The following LHFPL3 variants were observed in gnomAD, a reference collection of about 807,000 sequenced individuals.
LHFPL3 encodes the protein LHFPL tetraspan subfamily member 3 protein.
A neutral mutation model predicts 19.3 loss-of-function variants in LHFPL3; 5 were observed. That is an observed-to-expected ratio of 0.26 (90% confidence interval 0.14 to 0.54). The LOEUF is 0.54. LHFPL3 is among the 20% of genes least tolerant of loss of function. LHFPL3 has a pLI of 0.94. For synonymous variants in LHFPL3, 133 were observed against 126.2 expected (o/e 1.05, Z -0.36); for missense variants, 249 against 307.4 (o/e 0.81, Z 1.42).
chr7:104,803,764 T>C (rs1280615115), intron 2 of LHFPL3, among the ~76,000 whole-genome samples: 2 of 152,212 alleles, frequency 1.3e-5, no homozygotes, highest in Non-Finnish European at 2.9e-5. Context: ...GGGCAAAATA[T>C]ATATTTGCTG....
chr7:104,461,763 A>G (rs1792668372), intron 1 of LHFPL3, among the ~76,000 whole-genome samples: 3 of 152,166 alleles, frequency 2.0e-5, no homozygotes. Context: ...TCAATTTTAA[A>G]ATACTTTTTT....
chr7:104,866,302 C>A (rs1264186180), intron 2 of LHFPL3, among the ~76,000 whole-genome samples: 1 of 152,124 alleles, frequency 6.6e-6, no homozygotes, highest in Non-Finnish European at 1.5e-5. Flanking sequence ...AGAGTCAAGA[C>A]CCATCAGTGT....
At chr7:104,574,839 G>A (rs1161247025) in intron 1 of LHFPL3, among the ~76,000 whole-genome samples, 4 of 151,994 alleles carry the variant, frequency 2.6e-5, no homozygotes, top group Non-Finnish European at 5.9e-5. Context: ...CTGTTCTGAA[G>A]GAAGAAAAGG....
At position 104,636,759 on chromosome 7, in the gene LHFPL3, T is replaced by A. The variant is rs540365976; in HGVS notation, c.446-99916T>A. Among the ~76,000 whole-genome samples, 7 of 152,362 alleles carry A rather than the reference T, an allele frequency of 4.6e-5. No individual in the cohort carries two copies. In the South Asian group the frequency reaches 1.4e-3, roughly 32 times the overall value. On this transcript the variant is annotated intron_variant, in intron 1 of 2. Coordinates refer to ENST00000424859, the MANE Select transcript of LHFPL3 (RefSeq NM_199000.3). ...GCTGCATAGTATTCCATGGTGTATA[T>A]GTAAAACATTTTCTTTAGTCTACCA...
intron 2 of LHFPL3, among the ~76,000 whole-genome samples, chr7:104,838,118 C>T (rs191674936): frequency 6.6e-6 from 1 of 152,178 alleles, no homozygotes; most frequent in Non-Finnish European, 1.5e-5. Context: ...CCCTGGCCAT[C>T]CTGCAATTAG....
chr7:104,605,476 T>C (rs558883034), intron 1 of LHFPL3, among the ~76,000 whole-genome samples: 2 of 152,234 alleles, frequency 1.3e-5, no homozygotes, highest in African/African-American at 2.4e-5. Flanking sequence ...ACTGCTACAG[T>C]AGTGCAAACT....
intron 1 of LHFPL3, among the ~76,000 whole-genome samples, chr7:104,499,788 C>A (rs2115727921): frequency 6.6e-6 from 1 of 152,254 alleles, no homozygotes; most frequent in African/African-American, 2.4e-5. Flanking sequence ...CAGTTATAAT[C>A]ACATTTAACC....
intron 1 of LHFPL3, among the ~76,000 whole-genome samples, chr7:104,336,956 C>T (rs1328014321): frequency 2.0e-5 from 3 of 152,120 alleles, no homozygotes; most frequent in African/African-American, 7.2e-5. Flanking sequence ...TGTTAGAGAA[C>T]AATGGCAGAT....
chr7:104,558,318 C>T (rs1789902462), intron 1 of LHFPL3, among the ~76,000 whole-genome samples: 1 of 146,698 alleles, frequency 6.8e-6, no homozygotes, highest in South Asian at 2.2e-4. Flanking sequence ...GTTCCTATTT[C>T]TCCACATCCT....
chr7:104,803,288 C>T (rs770119071), intron 2 of LHFPL3, among the ~76,000 whole-genome samples: 4 of 152,162 alleles, frequency 2.6e-5, no homozygotes, highest in Admixed American at 2.6e-4. Flanking sequence ...ACCAGAAAGC[C>T]ACAAGTACCA....
At chr7:104,560,978 G>A (rs1349174680) in intron 1 of LHFPL3, among the ~76,000 whole-genome samples, 2 of 150,126 alleles carry the variant, frequency 1.3e-5, no homozygotes, top group East Asian at 3.9e-4. Flanking sequence ...CAGTTTCCAT[G>A]TAGTTGAGCA....
chr7:104,859,844 G>A (rs1385485540), intron 2 of LHFPL3, among the ~76,000 whole-genome samples: 1 of 152,100 alleles, frequency 6.6e-6, no homozygotes, highest in East Asian at 1.9e-4. Context: ...TATAAACTCT[G>A]GGTGATAATG....
chr7:104,784,712 A>G (rs1789876327), intron 2 of LHFPL3, among the ~76,000 whole-genome samples: 1 of 152,258 alleles, frequency 6.6e-6, no homozygotes, highest in Admixed American at 6.5e-5. Context: ...CTAAATGTCC[A>G]TTGACAGATG....
intron 2 of LHFPL3, among the ~76,000 whole-genome samples, chr7:104,812,542 G>A (rs531324155): frequency 6.6e-6 from 1 of 152,148 alleles, no homozygotes; most frequent in Admixed American, 6.5e-5. Flanking sequence ...GCTCATGCCT[G>A]TAATCCCAGC....
At chr7:104,424,393 T>TAC (rs1791797857) in intron 1 of LHFPL3, among the ~76,000 whole-genome samples, 1 of 152,098 alleles carries the variant, frequency 6.6e-6, no homozygotes, top group East Asian at 1.9e-4. Context: ...GAGGAGCTCT[T>TAC]ACAGGATCCA....
intron 1 of LHFPL3, among the ~76,000 whole-genome samples, chr7:104,554,365 TC>T (rs1430298744): frequency 6.6e-6 from 1 of 152,166 alleles, no homozygotes; most frequent in African/African-American, 2.4e-5. Flanking sequence ...AAGTTCCACA[TC>T]TTGCAAGGAA....
At chr7:104,394,803 C>T (rs975806090) in intron 1 of LHFPL3, among the ~76,000 whole-genome samples, 3 of 151,812 alleles carry the variant, frequency 2.0e-5, no homozygotes, top group Non-Finnish European at 4.4e-5. Flanking sequence ...TTGGTTCAAG[C>T]GATTCTCCTG....
At chr7:104,547,861 G>A (rs558704952) in intron 1 of LHFPL3, among the ~76,000 whole-genome samples, 5 of 152,292 alleles carry the variant, frequency 3.3e-5, no homozygotes, top group African/African-American at 1.2e-4. Context: ...AATGTGTCTA[G>A]TGAAAGGTAA....
At chr7:104,348,926 T>C (rs756621862) in intron 1 of LHFPL3, among the ~76,000 whole-genome samples, 12 of 152,176 alleles carry the variant, frequency 7.9e-5, no homozygotes, top group Admixed American at 3.9e-4. Context: ...CAAAGTCTAA[T>C]TGGGGAGCTG....
Sources: allele counts gnomAD v4.1 joint callset (sites outside exome capture counted in the v4.1 genomes callset), GRCh38; gene constraint gnomAD v4.1.1; transcripts MANE v1.5; gene names NCBI Gene and HGNC (gene_info 2026-07-23, HGNC 2026-07-21).